MPZL1: variants seen among roughly 807,000 people sequenced by gnomAD.
The protein encoded by MPZL1 is myelin protein zero like 1, also known as myelin protein zero-like protein 1.
Under a neutral mutation model 29.3 loss-of-function variants are expected in MPZL1, and 16 were observed. The ratio of observed to expected loss-of-function variants is 0.55; its 90% CI spans 0.37 to 0.83. The LOEUF (loss-of-function observed/expected upper bound fraction) is 0.83, where lower values mean the gene tolerates loss of function less well. MPZL1 is among the 40% of genes least tolerant of loss of function. The pLI, the probability that MPZL1 is intolerant of heterozygous loss-of-function variation, is 0.00. For missense variants in MPZL1, 279 were observed against 332.9 expected, an observed-to-expected ratio of 0.84 and a Z score of 1.26; for synonymous variants, 143 against 132.0, an observed-to-expected ratio of 1.08 and a Z score of -0.57.
intron 2 of MPZL1, among the ~76,000 whole-genome samples, chr1:167,768,696 G>A (rs143381252): frequency 6.6e-6 from 1 of 152,206 alleles, no homozygotes; most frequent in African/African-American, 2.4e-5. Flanking sequence ...AGTTCCTGCT[G>A]TGTCCAAAGT....
chr1:167,727,694 G>A (rs1031393684), intron 1 of MPZL1, among the ~76,000 whole-genome samples: 9 of 151,946 alleles, frequency 5.9e-5, no homozygotes, highest in African/African-American at 1.7e-4. Context: ...TTTGACATTA[G>A]CAGTGCCCTA....
chr1:167,773,436 T>C, intron 4 of MPZL1, 68 bp downstream of exon 4: 1 of 1,496,334 alleles, frequency 6.7e-7, no homozygotes, highest in Non-Finnish European at 9.0e-7. Flanking sequence ...AACTTCTGTA[T>C]TTAATGAAAA....
intron 1 of MPZL1, among the ~76,000 whole-genome samples, chr1:167,734,475 A>G (rs770936525): frequency 7.9e-5 from 12 of 152,004 alleles, no homozygotes; most frequent in Non-Finnish European, 1.6e-4. Context: ...GTGGGCCCAT[A>G]TCAGTAAATT....
At chr1:167,782,108 CATTCACTAATTCCT>C (rs1357752627) in intron 5 of MPZL1, among the ~76,000 whole-genome samples, 1 of 152,150 alleles carries the variant, frequency 6.6e-6, no homozygotes, top group Non-Finnish European at 1.5e-5. Context: ...CATCTGCCTT[CATTCACTAATTCCT>C]TAGCTGTGAC....
At chr1:167,740,253 G>A (rs1030073339) in intron 1 of MPZL1, among the ~76,000 whole-genome samples, 4 of 151,992 alleles carry the variant, frequency 2.6e-5, no homozygotes, top group Non-Finnish European at 2.9e-5. Context: ...ACATTTCTGG[G>A]CCGTAACTCT....
Position 167,791,084 on chromosome 1 carries a change from C to T in MPZL1, c.*3163C>T, listed in dbSNP as rs1010075515. ...GTGATATATAAAAGAGCAAGCCCCCCACCCCACCGCCTCAGCCTTCCTGGC... is the reference window on the plus strand; with the variant it reads ...GTGATATATAAAAGAGCAAGCCCCCTACCCCACCGCCTCAGCCTTCCTGGC... On this transcript the variant is annotated 3_prime_UTR_variant, in exon 6 of 6. Coordinates refer to ENST00000359523, the MANE Select transcript of MPZL1 (RefSeq NM_003953.6). 6.6e-6 allele frequency: 1 copy of T among 152,246 alleles called. No individual in the cohort carries two copies. The highest frequency in any genetic ancestry group is 1.5e-5 in the Non-Finnish European group (1 of 68,110). The allele number at this position is 152,246 out of a possible 1,614,324, so 9.4% of individuals were successfully genotyped here. A position where few individuals can be genotyped will look rare whatever the true frequency, so the allele number is the denominator to read the frequency against.
intron 2 of MPZL1, among the ~76,000 whole-genome samples, chr1:167,770,711 T>C (rs1661221300): frequency 6.6e-6 from 1 of 152,218 alleles, no homozygotes. Flanking sequence ...TCAATCATGG[T>C]GTTACTGGAA....
chr1:167,724,642 G>C (rs2101742311), intron 1 of MPZL1, among the ~76,000 whole-genome samples: 1 of 152,278 alleles, frequency 6.6e-6, no homozygotes, highest in Admixed American at 6.5e-5. Context: ...TTCACAGATG[G>C]GGAAATAGGA....
At chr1:167,744,778 C>A (rs1044328113) in intron 1 of MPZL1, among the ~76,000 whole-genome samples, 13 of 151,610 alleles carry the variant, frequency 8.6e-5, no homozygotes, top group South Asian at 2.1e-4. Context: ...TAGACTCCAA[C>A]AACTAGTAAA....
chr1:167,725,708 A>C (rs979019190), intron 1 of MPZL1, among the ~76,000 whole-genome samples: 1 of 152,178 alleles, frequency 6.6e-6, no homozygotes, highest in South Asian at 2.1e-4. Flanking sequence ...GCTGGTCTCG[A>C]ACTCCTGACC....
chr1:167,759,083 A>G (rs1020877923), intron 1 of MPZL1, among the ~76,000 whole-genome samples: 2 of 152,210 alleles, frequency 1.3e-5, no homozygotes, highest in Non-Finnish European at 2.9e-5. Context: ...TTTTAAATCC[A>G]TCTATAAGTT....
intron 5 of MPZL1, among the ~76,000 whole-genome samples, chr1:167,783,403 T>C (rs1571174541): frequency 6.6e-6 from 1 of 152,218 alleles, no homozygotes; most frequent in East Asian, 1.9e-4. Flanking sequence ...GTATATGTAT[T>C]TGAGGAGTAG....
chr1:167,756,904 G>A (rs1233735136), intron 1 of MPZL1, among the ~76,000 whole-genome samples: 1 of 152,130 alleles, frequency 6.6e-6, no homozygotes, highest in African/African-American at 2.4e-5. Flanking sequence ...GAAAGGACAG[G>A]ATGTCGGGGA....
At chr1:167,766,894 T>G (rs948416795) in intron 2 of MPZL1, among the ~76,000 whole-genome samples, 3 of 152,238 alleles carry the variant, frequency 2.0e-5, no homozygotes, top group Non-Finnish European at 4.4e-5. Context: ...ATTTACGGCC[T>G]CATAGGTTTT....
chr1:167,730,889 C>T (rs1049326067), intron 1 of MPZL1, among the ~76,000 whole-genome samples: 3 of 152,200 alleles, frequency 2.0e-5, no homozygotes, highest in African/African-American at 7.2e-5. Context: ...GCCCCATTGA[C>T]AGAGGTTCTG....
chr1:167,766,958 G>A lies in MPZL1; in HGVS notation c.258+1209G>A, dbSNP rs541418773. ...TATTTTTTAAAATTTATTTTTAAAA[G>A]GAGCCTTTTCACATTTTTCTTAATC... On this transcript the variant is annotated intron_variant, in intron 2 of 5. Coordinates refer to ENST00000359523, the MANE Select transcript of MPZL1 (RefSeq NM_003953.6). Among the ~76,000 whole-genome samples the A allele has an allele frequency of 7.2e-5, 11 of 151,782 alleles. No individual in the cohort carries two copies. In the South Asian group the frequency reaches 2.3e-3, roughly 32 times the overall value.
rs61669633 is a variant in MPZL1, at chr1:167,767,854, ATTTTGTTTTGTTTTGTTTTG to A, written c.258+2127_258+2146del. ...TCATCTGCAGATGAGTTTTGTAATC[ATTTTGTTTTGTTTTGTTTTG>A]TTTTGTTTTGTTTTGTTTTGTGTTT... is the stretch of plus-strand genomic sequence containing the variant. On this transcript the variant is annotated intron_variant, in intron 2 of 5. Transcript: ENST00000359523. Among the ~76,000 whole-genome samples the A allele has an allele frequency of 1.2e-3, 143 of 117,126 alleles. 4 individuals are homozygous for A. In the South Asian group the frequency reaches 0.017, roughly 14 times the overall value. 76.8% of individuals were successfully genotyped at this position (117,126 alleles called of 152,430 possible). A position where few individuals can be genotyped will look rare whatever the true frequency, so the allele number is the denominator to read the frequency against.
intron 1 of MPZL1, among the ~76,000 whole-genome samples, chr1:167,749,428 T>C (rs1047726052): frequency 4.6e-5 from 7 of 152,160 alleles, no homozygotes; most frequent in African/African-American, 7.2e-5. Context: ...ATGAAACATA[T>C]AGGTTTCTTT....
intron 1 of MPZL1, among the ~76,000 whole-genome samples, chr1:167,735,712 G>C (rs932271187): frequency 6.6e-6 from 1 of 152,138 alleles, no homozygotes; most frequent in African/African-American, 2.4e-5. Context: ...TTCTTTTTCA[G>C]GGATGGTCAG....
Sources: gnomAD v4.1 joint callset for allele counts (sites outside exome capture counted in the v4.1 genomes callset) on GRCh38, gnomAD v4.1.1 for gene constraint, MANE v1.5 for transcripts, NCBI Gene and HGNC (gene_info 2026-07-23, HGNC 2026-07-21) for gene names.